Variants in UQCRFS1 observed in about 807,000 individuals in gnomAD.
UQCRFS1 encodes the protein ubiquinol-cytochrome c reductase, Rieske iron-sulfur polypeptide 1.
In UQCRFS1, 6 loss-of-function variants were observed where a neutral mutation model predicts 15.6. The ratio of observed to expected loss-of-function variants is 0.38; its 90% CI spans 0.21 to 0.76. The LOEUF is 0.76. Ranked by LOEUF, UQCRFS1 falls within the 30% of genes least tolerant of loss-of-function variation. The probability of loss-of-function intolerance (pLI) is 0.44; values close to 1 mark genes in which losing one functional copy is unlikely to be tolerated. For missense variants in UQCRFS1, 203 were observed against 366.7 expected, an observed-to-expected ratio of 0.55 and a Z score of 3.65; for synonymous variants, 105 against 154.3, an observed-to-expected ratio of 0.68 and a Z score of 2.37.
chr19:29,211,220 G>T (rs1299766913), intron 1 of UQCRFS1, among the ~76,000 whole-genome samples: 1 of 151,682 alleles, frequency 6.6e-6, no homozygotes, highest in South Asian at 2.1e-4. Flanking sequence ...GTGGGCGAAG[G>T]ACATGAACAG....
intron 1 of UQCRFS1, among the ~76,000 whole-genome samples, chr19:29,212,503 CTG>C (rs1028719056): frequency 6.6e-6 from 1 of 152,096 alleles, no homozygotes; most frequent in African/African-American, 2.4e-5. Context: ...AGTGCCCAAA[CTG>C]TGCTAACGGC....
chr19:29,209,090 T>C (rs1329559055), intron 1 of UQCRFS1, among the ~76,000 whole-genome samples: 1 of 151,992 alleles, frequency 6.6e-6, no homozygotes. Context: ...GAGCAAGGAG[T>C]TTCTTTGGTA....
At chr19:29,209,439 C>T (rs1207617016) in intron 1 of UQCRFS1, among the ~76,000 whole-genome samples, 2 of 152,078 alleles carry the variant, frequency 1.3e-5, no homozygotes, top group African/African-American at 2.4e-5. Context: ...ATATGGAATA[C>T]CTGAACTGCT....
intron 1 of UQCRFS1, among the ~76,000 whole-genome samples, chr19:29,211,162 T>C (rs1168150253): frequency 7.3e-6 from 1 of 136,218 alleles, no homozygotes; most frequent in Non-Finnish European, 1.6e-5. Context: ...GAATCTACAA[T>C]GAACTCAAAC....
At chr19:29,212,875 G>A in intron 1 of UQCRFS1, 30 bp downstream of exon 1, 1 of 1,421,126 alleles carries the variant, frequency 7.0e-7, no homozygotes, top group Non-Finnish European at 9.1e-7. Context: ...GAGACCCCCA[G>A]CCCTGCTCGC....
At position 29,211,435 on chromosome 19, in the gene UQCRFS1, T is replaced by C. The variant is rs192379666; in HGVS notation, c.214+1470A>G. 2.0e-3 allele frequency among the ~76,000 whole-genome samples: 301 copies of C among 152,348 alleles called. 1 individual carries two copies. The highest frequency in any genetic ancestry group is 0.01 in the Middle Eastern group (3 of 294). On this transcript the variant is annotated intron_variant, in intron 1 of 1. Transcript: ENST00000304863. ...AGGTCCCAAGGATGGGCTAGGGTAC[T>C]CTACACCTGCCATGGACAGTTTCTT...
intron 1 of UQCRFS1, among the ~76,000 whole-genome samples, chr19:29,210,133 C>A (rs892949611): frequency 1.3e-5 from 2 of 152,136 alleles, no homozygotes; most frequent in African/African-American, 4.8e-5. Context: ...AGCTCCAATG[C>A]GCCTTGGAAA....
intron 1 of UQCRFS1, among the ~76,000 whole-genome samples, chr19:29,209,517 C>A (rs1309449779): frequency 6.6e-6 from 1 of 152,084 alleles, no homozygotes; most frequent in Non-Finnish European, 1.5e-5. Flanking sequence ...ATGAAACCTA[C>A]CAAAATCACT....
chr19:29,212,369 G>A (rs996080844), intron 1 of UQCRFS1, among the ~76,000 whole-genome samples: 1 of 142,292 alleles, frequency 7.0e-6, no homozygotes, highest in Non-Finnish European at 1.5e-5. Context: ...AACTGACCTT[G>A]TGTATGTTTT....
At chr19:29,212,841 G>T in intron 1 of UQCRFS1, 64 bp downstream of exon 1, 1 of 1,344,198 alleles carries the variant, frequency 7.4e-7, no homozygotes, top group Non-Finnish European at 9.5e-7. Context: ...GCTCCCTGCT[G>T]GGGGCCGGAG....
intron 1 of UQCRFS1, 149 bp downstream of exon 1, chr19:29,212,756 C>G: frequency 1.2e-6 from 1 of 829,806 alleles, no homozygotes; most frequent in Non-Finnish European, 1.6e-6. Context: ...ACGCCCCGAG[C>G]CCGGGGGCCA....
chr19:29,210,549 C>T (rs1012264777), intron 1 of UQCRFS1, among the ~76,000 whole-genome samples: 2 of 141,302 alleles, frequency 1.4e-5, no homozygotes, highest in African/African-American at 5.3e-5. Context: ...TGTGATGTTC[C>T]CCTTCCTGTG....
At position 29,212,995 on chromosome 19, in the gene UQCRFS1, C is replaced by G. The variant is rs561560511; in HGVS notation, c.124G>C (p.Val42Leu). ...ATVPATPEQP[V>L]LDLKRPFLSR... ...AGGAAGGGCCGCTTCAGGTCCAACA[C>G]AGGCTGCTCCGGGGTGGCGGGCACC... The change falls in exon 1 of 2, where the codon GTG (valine) becomes CTG (leucine). Residue 42 changes from valine (V) to leucine (L), a missense_variant. Physicochemically the swap from Val to Leu is conservative, Grantham distance 32. This residue lies in a region of UQCRFS1 where 92 missense variants were observed against 120.5 expected (regional missense o/e 0.76). Coordinates refer to ENST00000304863, the MANE Select transcript of UQCRFS1 (RefSeq NM_006003.3). 14 of 1,410,042 alleles carry G rather than the reference C, an allele frequency of 9.9e-6. No homozygotes were observed. The highest frequency in any genetic ancestry group is 1.2e-5 in the Non-Finnish European group (13 of 1,095,980). The allele number at this position is 1,410,042 out of a possible 1,614,324, so 87.3% of individuals were successfully genotyped here.
chr19:29,210,886 G>A (rs912624814), intron 1 of UQCRFS1, among the ~76,000 whole-genome samples: 1 of 151,924 alleles, frequency 6.6e-6, no homozygotes, highest in Non-Finnish European at 1.5e-5. Context: ...GTAATGGGAT[G>A]GCTGGGTCAA....
At chr19:29,208,963 T>C (rs1375313345) in intron 1 of UQCRFS1, among the ~76,000 whole-genome samples, 1 of 148,092 alleles carries the variant, frequency 6.8e-6, no homozygotes, top group East Asian at 2.1e-4. Context: ...ACTGTAAAAG[T>C]AGGGGTATTA....
chr19:29,207,560 C>T lies in UQCRFS1; in HGVS notation c.813G>A (p.Val271=), dbSNP rs1976605716. 1 of 1,605,780 alleles carries T rather than the reference C, an allele frequency of 6.2e-7. No individual in the cohort carries two copies. Among genetic ancestry groups the T allele is most frequent in the Non-Finnish European group, 8.5e-7 (1 of 1,174,074 alleles). ...GAGTCCAAGTCTCTTAACCAACAAT[C>T]ACCATATCGTCACTGGTGAACTCAT... ...PTYEFTSDDM[V]IVG Residue 271 remains valine, a synonymous_variant, in exon 2 of 2, where the codon GTG becomes GTA. Transcript: ENST00000304863.
chr19:29,212,861 CCG>C (rs1241164117), intron 1 of UQCRFS1, 42 bp downstream of exon 1: 54 of 1,381,716 alleles, frequency 3.9e-5, no homozygotes, highest in Admixed American at 1.1e-4. Flanking sequence ...GGAGCGGGCA[CCG>C]AGAGACCCCC....
In UQCRFS1 at chr19:29,207,959, G is replaced by A. The variant is rs753211972; in HGVS notation, c.414C>T (p.Ser138=). 1 of 1,614,012 alleles carries A rather than the reference G, an allele frequency of 6.2e-7. No homozygotes were observed. The highest frequency in any genetic ancestry group is 1.1e-5 in the South Asian group (1 of 91,078). Residue 138 remains serine (S), a synonymous_variant, in exon 2 of 2, where the codon TCC becomes TCT. Coordinates refer to ENST00000304863, the MANE Select transcript of UQCRFS1 (RefSeq NM_006003.3). Reference sequence around the variant, plus strand: ...ACACATCAGCAGAAGCACTCATGCTGGAAACGAACTGGGTGACGGCATTCT... The same window carrying A: ...ACACATCAGCAGAAGCACTCATGCTAGAAACGAACTGGGTGACGGCATTCT... ...AAKNAVTQFV[S]SMSASADVLA...
rs759975621 is a variant in UQCRFS1 at position 29,207,938 on chromosome 19, A to G, written c.435T>C (p.Asp145=). 3.1e-6 allele frequency: 5 copies of G among 1,613,888 alleles called. No individual in the cohort carries two copies. The African/African-American group carries it at 6.7e-5, about 22-fold the overall frequency. Residue 145 remains aspartate (D), a synonymous_variant, in exon 2 of 2, where the codon GAT becomes GAC. Coordinates refer to ENST00000304863, the MANE Select transcript of UQCRFS1 (RefSeq NM_006003.3). ...QFVSSMSASA[D]VLALAKIEIK... ...TTTCGATTTTCGCCAGGGCCAACACATCAGCAGAAGCACTCATGCTGGAAA... is the reference window on the plus strand; with the variant it reads ...TTTCGATTTTCGCCAGGGCCAACACGTCAGCAGAAGCACTCATGCTGGAAA...
Sources: gnomAD v4.1 joint callset for allele counts (sites outside exome capture counted in the v4.1 genomes callset) on GRCh38, gnomAD v4.1.1 for gene constraint, gnomAD v4.1.1 regional missense constraint, MANE v1.5 for transcripts, NCBI Gene and HGNC (gene_info 2026-07-23, HGNC 2026-07-21) for gene names.